Variants in PRKN observed in about 807,000 individuals in gnomAD.
PRKN encodes the protein E3 ubiquitin-protein ligase parkin.
PRKN carries 56 observed loss-of-function variants against 59.5 expected under a neutral mutation model. The observed-to-expected ratio is 0.94, with a 90% CI of 0.76 to 1.18. The LOEUF is 1.18. Ranked by LOEUF, PRKN falls within the 50% of genes most tolerant of loss-of-function variation. PRKN has a pLI of 0.00. For missense variants in PRKN, 657 were observed against 596.4 expected (o/e 1.10, Z -1.06); for synonymous variants, 250 against 222.1 (o/e 1.13, Z -1.12).
At chr6:162,294,912 C>T (rs988013062) in intron 2 of PRKN, among the ~76,000 whole-genome samples, 1 of 152,274 alleles carries the variant, frequency 6.6e-6, no homozygotes, top group East Asian at 1.9e-4. Flanking sequence ...AAACACAGGA[C>T]AAGATCTGAA....
At chr6:162,240,506 T>A (rs1463547681) in intron 3 of PRKN, among the ~76,000 whole-genome samples, 1 of 152,204 alleles carries the variant, frequency 6.6e-6, no homozygotes, top group Non-Finnish European at 1.5e-5. Context: ...AATTAACTTA[T>A]TTCTATTTTG....
chr6:162,345,168 C>G (rs1011798662), intron 2 of PRKN, among the ~76,000 whole-genome samples: 1 of 152,200 alleles, frequency 6.6e-6, no homozygotes, highest in African/African-American at 2.4e-5. Context: ...ACAATTGCTC[C>G]TCACATATCA....
At chr6:162,022,872 A>G (rs1047496419) in intron 5 of PRKN, among the ~76,000 whole-genome samples, 3 of 152,132 alleles carry the variant, frequency 2.0e-5, no homozygotes, top group Non-Finnish European at 4.4e-5. Context: ...ACTTATCTGC[A>G]TATGCCTAGC....
chr6:161,597,934 C>A (rs142835479), intron 7 of PRKN, among the ~76,000 whole-genome samples: 2 of 152,196 alleles, frequency 1.3e-5, no homozygotes, highest in Admixed American at 6.5e-5. Flanking sequence ...AATGCATGCA[C>A]AATTCTGTGT....
At chr6:162,615,313 C>T (rs1782358321) in intron 1 of PRKN, among the ~76,000 whole-genome samples, 2 of 152,174 alleles carry the variant, frequency 1.3e-5, no homozygotes, top group Non-Finnish European at 1.5e-5. Flanking sequence ...GTTACAGTTG[C>T]CACATAATAT....
chr6:161,790,816 T>G (rs2128207913), intron 6 of PRKN, among the ~76,000 whole-genome samples: 1 of 152,286 alleles, frequency 6.6e-6, no homozygotes, highest in South Asian at 2.1e-4. Flanking sequence ...GGGAAGGGAA[T>G]GATGTTTTAG....
At chr6:161,906,706 TC>T (rs1778163871) in intron 6 of PRKN, among the ~76,000 whole-genome samples, 1 of 125,066 alleles carries the variant, frequency 8.0e-6, no homozygotes, top group Non-Finnish European at 1.7e-5. Flanking sequence ...TAGTATTGAC[TC>T]ACAAGATCAC....
intron 6 of PRKN, among the ~76,000 whole-genome samples, chr6:161,902,564 A>ATCTATTTTT (rs1242030157): frequency 6.2e-5 from 7 of 112,046 alleles, no homozygotes; most frequent in African/African-American, 2.3e-4. Context: ...TTATTTATTT[A>ATCTATTTTT]TTTTTTTTTT....
At chr6:162,344,876 C>T (rs998847436) in intron 2 of PRKN, among the ~76,000 whole-genome samples, 7 of 152,146 alleles carry the variant, frequency 4.6e-5, no homozygotes, top group African/African-American at 1.2e-4. Context: ...GTTGCTCAAA[C>T]GTGATAGGCA....
intron 7 of PRKN, among the ~76,000 whole-genome samples, chr6:161,721,667 C>G (rs113896538): frequency 1.1e-4 from 16 of 151,958 alleles, no homozygotes; most frequent in Admixed American, 9.2e-4. Flanking sequence ...GGCTCTGGGT[C>G]CCCCCCGTGC....
chr6:162,085,135 C>T (rs1779202598), intron 4 of PRKN, among the ~76,000 whole-genome samples: 1 of 147,658 alleles, frequency 6.8e-6, no homozygotes, highest in Non-Finnish European at 1.5e-5. Flanking sequence ...AGAGGAAAAA[C>T]CCAAATGGGA....
rs1779848313 is a variant in PRKN, at chr6:161,547,796, T to C, written c.1083+1058A>G. ...GGGAGAGTAAACACTTGAGTTTTCATTCTAATGCAATCACGATTATGAATC... is the reference window on the plus strand; with the variant it reads ...GGGAGAGTAAACACTTGAGTTTTCACTCTAATGCAATCACGATTATGAATC... On this transcript the variant is annotated intron_variant, in intron 9 of 11. Transcript: ENST00000366898. The surrounding 1 kb of genome is among the most constrained non-coding windows in gnomAD (Gnocchi z 4.0). Among the ~76,000 whole-genome samples the C allele has an allele frequency of 6.6e-6, 1 of 152,214 alleles. No homozygotes were observed. Among genetic ancestry groups the C allele is most frequent in the Non-Finnish European group, 1.5e-5 (1 of 68,044 alleles).
At chr6:161,628,222 GA>G (rs1464066013) in intron 7 of PRKN, among the ~76,000 whole-genome samples, 1 of 152,200 alleles carries the variant, frequency 6.6e-6, no homozygotes, top group African/African-American at 2.4e-5. Flanking sequence ...TTGGTTTGAA[GA>G]AATGAGTGTC....
intron 7 of PRKN, among the ~76,000 whole-genome samples, chr6:161,640,593 G>A (rs760333081): frequency 5.9e-4 from 90 of 152,072 alleles, no homozygotes; most frequent in Non-Finnish European, 9.1e-4. Flanking sequence ...ATATCCCACT[G>A]GGACTCTGGC....
intron 3 of PRKN, among the ~76,000 whole-genome samples, chr6:162,208,220 C>A (rs1785041655): frequency 6.6e-6 from 1 of 152,180 alleles, no homozygotes; most frequent in African/African-American, 2.4e-5. Flanking sequence ...CCAACTGAAT[C>A]AAACTGCCTG....
Position 162,430,514 on chromosome 6 carries a change from TAA to T in PRKN, c.171+12794_171+12795del, listed in dbSNP as rs375642820. Among the ~76,000 whole-genome samples the T allele has an allele frequency of 1.7e-3, 265 of 152,154 alleles. 4 individuals are homozygous for T. In the South Asian group the frequency reaches 0.02, roughly 12 times the overall value. ...CTTATGATACATAATGGGTGCCCAATAAAAGACCGTTGAGTGAACAGATTTTA... is the reference window on the plus strand; with the variant it reads ...CTTATGATACATAATGGGTGCCCAATAAGACCGTTGAGTGAACAGATTTTA... On this transcript the variant is annotated intron_variant, in intron 2 of 11. Coordinates refer to ENST00000366898, the MANE Select transcript of PRKN (RefSeq NM_004562.3).
At chr6:162,304,491 CTAT>C (rs1782124113) in intron 2 of PRKN, among the ~76,000 whole-genome samples, 1 of 29,356 alleles carries the variant, frequency 3.4e-5, no homozygotes, top group South Asian at 1.0e-3. Flanking sequence ...TCATCCAGTT[CTAT>C]CTATCTATCT....
intron 10 of PRKN, among the ~76,000 whole-genome samples, chr6:161,370,921 C>T (rs1486120512): frequency 6.6e-6 from 1 of 152,216 alleles, no homozygotes; most frequent in Non-Finnish European, 1.5e-5. Context: ...TGAAACCTTC[C>T]ACCTTTGCAG....
rs1778001350 is a variant in PRKN at position 161,502,567 on chromosome 6, T to C, written c.1083+46287A>G. On this transcript the variant is annotated intron_variant, in intron 9 of 11. Transcript: ENST00000366898. This position sits in a 1 kb window ranked among gnomAD's most constrained non-coding sequence, Gnocchi z 4.0. Reference sequence around the variant, plus strand: ...TAATGTGAGCTGTCATTTATGTGCATTGACTGGTAGGGATGAGGATAGTAA... The same window carrying C: ...TAATGTGAGCTGTCATTTATGTGCACTGACTGGTAGGGATGAGGATAGTAA... 6.6e-6 allele frequency among the ~76,000 whole-genome samples: 1 copy of C among 152,122 alleles called. No homozygotes were observed. The highest frequency in any genetic ancestry group is 1.5e-5 in the Non-Finnish European group (1 of 68,038).
Sources: allele counts gnomAD v4.1 joint callset (sites outside exome capture counted in the v4.1 genomes callset), GRCh38; gene constraint gnomAD v4.1.1; non-coding constraint Gnocchi (gnomAD v3.1); transcripts MANE v1.5; gene names NCBI Gene and HGNC (gene_info 2026-07-23, HGNC 2026-07-21).